The following MAP6 variants were observed in gnomAD, a reference collection of about 807,000 sequenced individuals.
MAP6 encodes the protein microtubule-associated protein 6.
MAP6 carries 26 observed loss-of-function variants against 42.4 expected under a neutral mutation model. That is an observed-to-expected ratio of 0.61 (90% CI 0.45 to 0.85). MAP6 has a LOEUF of 0.85. Ranked by LOEUF, MAP6 falls within the 40% of genes least tolerant of loss-of-function variation. The pLI, the probability that MAP6 is intolerant of heterozygous loss-of-function variation, is 0.00. For synonymous variants in MAP6, 418 were observed against 443.8 expected, an observed-to-expected ratio of 0.94 and a Z score of 0.73; for missense variants, 966 against 1,099.0, an observed-to-expected ratio of 0.88 and a Z score of 1.71.
At chr11:75,634,423 T>C (rs1943335554) in intron 1 of MAP6, among the ~76,000 whole-genome samples, 1 of 152,170 alleles carries the variant, frequency 6.6e-6, no homozygotes, top group African/African-American at 2.4e-5. Flanking sequence ...ACTGCAGGCA[T>C]GTGCCACCAC....
intron 1 of MAP6, among the ~76,000 whole-genome samples, chr11:75,645,801 C>T (rs993843285): frequency 5.9e-5 from 9 of 151,928 alleles, no homozygotes; most frequent in Non-Finnish European, 1.0e-4. Context: ...GAATGAGGTA[C>T]ATATCCTATT....
chr11:75,663,499 T>C (rs1458543998), intron 1 of MAP6, among the ~76,000 whole-genome samples: 3 of 152,224 alleles, frequency 2.0e-5, no homozygotes, highest in East Asian at 3.9e-4. Flanking sequence ...CAAATCTATA[T>C]GGCACCTAGG....
chr11:75,663,182 T>C (rs1317882984), intron 1 of MAP6, among the ~76,000 whole-genome samples: 1 of 152,088 alleles, frequency 6.6e-6, no homozygotes, highest in African/African-American at 2.4e-5. Context: ...GGTTTCACCA[T>C]GTTGGTCAGG....
At chr11:75,608,733 T>C (rs1942828664) in intron 1 of MAP6, among the ~76,000 whole-genome samples, 1 of 152,190 alleles carries the variant, frequency 6.6e-6, no homozygotes, top group Non-Finnish European at 1.5e-5. Flanking sequence ...AATGAGACAA[T>C]GTATTAGGCA....
rs1161279931 is a variant in MAP6, at chr11:75,588,059, G to A, written c.1442C>T (p.Pro481Leu). ...GACCACAGAACCTTGCTTCTTCAGAGGCTCTTGCACCATAGGACCTTGACC... is the reference window on the plus strand; with the variant it reads ...GACCACAGAACCTTGCTTCTTCAGAAGCTCTTGCACCATAGGACCTTGACC... Reference protein sequence around the residue: ...LKGQGPMVQEPLKKQGSVVPG... With the variant: ...LKGQGPMVQELLKKQGSVVPG... The change falls in exon 4 of 4, where the codon CCT (proline) becomes CTT (leucine). Residue 481 changes from proline (P) to leucine (L), a missense_variant. Transcript: ENST00000304771. The A allele has an allele frequency of 6.2e-6, 10 of 1,614,028 alleles. No individual in the cohort carries two copies. Among genetic ancestry groups the A allele is most frequent in the Non-Finnish European group, 8.5e-6 (10 of 1,180,034 alleles).
chr11:75,653,277 C>T (rs774996228), intron 1 of MAP6, among the ~76,000 whole-genome samples: 30 of 152,208 alleles, frequency 2.0e-4, no homozygotes, highest in Non-Finnish European at 4.1e-4. Context: ...GCTGAATGGA[C>T]TTTCTTGTAC....
intron 1 of MAP6, among the ~76,000 whole-genome samples, chr11:75,646,904 A>C (rs577871639): frequency 6.6e-6 from 1 of 152,298 alleles, no homozygotes; most frequent in East Asian, 1.9e-4. Context: ...TAAATTGAGG[A>C]TTTATAAAGC....
chr11:75,631,733 T>C (rs1428193136), intron 1 of MAP6, among the ~76,000 whole-genome samples: 1 of 152,222 alleles, frequency 6.6e-6, no homozygotes, highest in African/African-American at 2.4e-5. Context: ...TGCTTTGATA[T>C]ATTTAGGAGG....
chr11:75,643,753 C>T (rs1943512952), intron 1 of MAP6, among the ~76,000 whole-genome samples: 1 of 152,144 alleles, frequency 6.6e-6, no homozygotes, highest in Non-Finnish European at 1.5e-5. Flanking sequence ...CATTTAATCC[C>T]CACCCCTATG....
intron 1 of MAP6, among the ~76,000 whole-genome samples, chr11:75,629,242 A>G (rs966087213): frequency 3.3e-5 from 5 of 152,098 alleles, no homozygotes; most frequent in Non-Finnish European, 5.9e-5. Context: ...CATGTGCCAC[A>G]ATGCCTGGCT....
At position 75,608,159 on chromosome 11, in the gene MAP6, G is replaced by T. The variant is rs185425787; in HGVS notation, c.1069C>A (p.Arg357Ser). 5.6e-6 allele frequency: 9 copies of T among 1,614,014 alleles called. No homozygotes were observed. The highest frequency in any genetic ancestry group is 1.7e-5 in the Admixed American group (1 of 59,994). The part of the protein sequence containing the change: ...PTTADNKVID[R>S]RRIRSLYSEP... ...CTGTAGAGGCTGCGTATTCTTCTGCGATCAATGACCTTATTGTCAGCTGTT... is the reference window on the plus strand; with the variant it reads ...CTGTAGAGGCTGCGTATTCTTCTGCTATCAATGACCTTATTGTCAGCTGTT... The change falls in exon 2 of 4, where the codon CGC (arginine) becomes AGC (serine). Residue 357 changes from arginine to serine, a missense_variant. Around this residue, in one of 2 missense-constraint regions of MAP6, gnomAD observed 943 missense variants for 1,049.9 expected, o/e 0.90. Coordinates refer to ENST00000304771, the MANE Select transcript of MAP6 (RefSeq NM_033063.2).
At chr11:75,619,313 T>C (rs1215581703) in intron 1 of MAP6, among the ~76,000 whole-genome samples, 3 of 152,242 alleles carry the variant, frequency 2.0e-5, no homozygotes, top group African/African-American at 4.8e-5. Context: ...GGTACAGAAA[T>C]TGAATTCACA....
intron 3 of MAP6, chr11:75,604,121 A>G (rs1224865090): frequency 4.1e-6 from 4 of 985,732 alleles, no homozygotes. Flanking sequence ...CCTTCCTCAC[A>G]GTTTTAAACC....
At chr11:75,628,002 A>G (rs1943225567) in intron 1 of MAP6, among the ~76,000 whole-genome samples, 1 of 152,182 alleles carries the variant, frequency 6.6e-6, no homozygotes, top group South Asian at 2.1e-4. Context: ...CCTTCGACTG[A>G]AATCAAGAGA....
At chr11:75,655,542 A>G (rs1456680976) in intron 1 of MAP6, among the ~76,000 whole-genome samples, 5 of 152,220 alleles carry the variant, frequency 3.3e-5, no homozygotes, top group African/African-American at 1.2e-4. Flanking sequence ...TGGTCAGATA[A>G]TGGAAGGCAC....
At chr11:75,612,074 C>A (rs1033268104) in intron 1 of MAP6, among the ~76,000 whole-genome samples, 2 of 152,228 alleles carry the variant, frequency 1.3e-5, no homozygotes, top group African/African-American at 4.8e-5. Flanking sequence ...TGACACAGAC[C>A]GGGCTAGATG....
At chr11:75,618,901 G>T (rs1178952491) in intron 1 of MAP6, among the ~76,000 whole-genome samples, 3 of 152,234 alleles carry the variant, frequency 2.0e-5, no homozygotes, top group Non-Finnish European at 4.4e-5. Context: ...CTCGGCCACT[G>T]CCCGATTCGT....
intron 3 of MAP6, among the ~76,000 whole-genome samples, chr11:75,601,165 G>C (rs1051027016): frequency 6.6e-6 from 1 of 152,186 alleles, no homozygotes; most frequent in Non-Finnish European, 1.5e-5. Context: ...ATTGCCCAAC[G>C]CTTGCCCTTT....
intron 1 of MAP6, among the ~76,000 whole-genome samples, chr11:75,661,421 A>G (rs657639): frequency 0.17 from 26,451 of 152,016 alleles, 2,556 homozygotes; most frequent in African/African-American, 0.23. Flanking sequence ...AATCTTACTT[A>G]TGAATATATA....
Sources: allele counts gnomAD v4.1 joint callset (sites outside exome capture counted in the v4.1 genomes callset), GRCh38; gene constraint gnomAD v4.1.1; regional missense constraint gnomAD v4.1.1; transcripts MANE v1.5; gene names NCBI Gene and HGNC (gene_info 2026-07-23, HGNC 2026-07-21).